The following OR14J1 variants were observed in gnomAD, a reference collection of about 807,000 sequenced individuals.
The protein encoded by OR14J1 is olfactory receptor family 14 subfamily J member 1.
For missense variants in OR14J1, 378 were observed against 393.4 expected, an observed-to-expected ratio of 0.96 and a Z score of 0.33; for synonymous variants, 140 against 146.7, an observed-to-expected ratio of 0.95 and a Z score of 0.33.
At chr6:29,305,553 T>G (rs1775020014) in intron 1 of OR14J1, among the ~76,000 whole-genome samples, 1 of 152,114 alleles carries the variant, frequency 6.6e-6, no homozygotes, top group Non-Finnish European at 1.5e-5. Context: ...CTGATTGACC[T>G]TTCAACAAAT....
chr6:29,307,597 T>C lies in OR14J1; in HGVS notation c.908T>C (p.Leu303Pro), dbSNP rs1775206004. 1 of 1,610,184 alleles carries C rather than the reference T, an allele frequency of 6.2e-7. No individual in the cohort carries two copies. Among genetic ancestry groups the C allele is most frequent in the African/African-American group, 1.3e-5 (1 of 74,892 alleles). Residue 303 changes from leucine to proline, a missense_variant, in exon 2 of 2, where the codon CTG becomes CCG. Physicochemically the swap from Leu to Pro is moderately conservative, Grantham distance 98 (BLOSUM62 -3). Coordinates refer to ENST00000641895, the MANE Select transcript of OR14J1 (RefSeq NM_030946.2). ...ATGAAGGCAGCACTGAGGAAGATGC[T>C]GTCAAAGGAAGAGCTTCCTCAGAGA... ...DSMKAALRKM[L>P]SKEELPQRKM...
rs914810282 is a variant in OR14J1 at position 29,311,732 on chromosome 6, T to G, written c.*4077T>G. 1 of 152,206 alleles carries G rather than the reference T, an allele frequency of 6.6e-6. No homozygotes were observed. Among genetic ancestry groups the G allele is most frequent in the Non-Finnish European group, 1.5e-5 (1 of 68,050 alleles). 9.4% of individuals were successfully genotyped at this position (152,206 alleles called of 1,614,324 possible). On this transcript the variant is annotated 3_prime_UTR_variant, in exon 2 of 2. Coordinates refer to ENST00000641895, the MANE Select transcript of OR14J1 (RefSeq NM_030946.2). ...GCGGTAGAATTCGTCTGTGAATCTG[T>G]CTGGTTCTGGGCTTTTCTTGGTTGG... is the stretch of plus-strand genomic sequence containing the variant.
Position 29,307,131 on chromosome 6 carries a change from A to G in OR14J1, c.442A>G (p.Ile148Val). ...TAGGCATGCAGTGATAGCTGTGTGG[A>G]TTGCTGGGGGCCTCTCTGGGCTCAT... ...ACRHAVIAVW[I>V]AGGLSGLMHA... Residue 148 changes from isoleucine to valine, a missense_variant, in exon 2 of 2, where the codon ATT (isoleucine) becomes GTT (valine). Coordinates refer to ENST00000641895, the MANE Select transcript of OR14J1 (RefSeq NM_030946.2). 1 of 1,612,866 alleles carries G rather than the reference A, an allele frequency of 6.2e-7. No homozygotes were observed. The highest frequency in any genetic ancestry group is 8.5e-7 in the Non-Finnish European group (1 of 1,179,966).
rs544196755 is a variant in OR14J1, at chr6:29,302,376, G to A, written c.-29+589G>A. On this transcript the variant is annotated intron_variant, in intron 1 of 1. Coordinates refer to ENST00000641895, the MANE Select transcript of OR14J1 (RefSeq NM_030946.2). ...GTATTTTTAGTAGAGATGGGGTTTC[G>A]CCATTTTGGCCAGGCTGGTTTTGAA... Among the ~76,000 whole-genome samples, 88 of 151,524 alleles carry A rather than the reference G, an allele frequency of 5.8e-4. 1 individual carries two copies. The highest frequency in any genetic ancestry group is 1.0e-3 in the Non-Finnish European group (71 of 67,804).
At chr6:29,304,909 T>C (rs755939739) in intron 1 of OR14J1, among the ~76,000 whole-genome samples, 3 of 152,206 alleles carry the variant, frequency 2.0e-5, no homozygotes, top group Non-Finnish European at 4.4e-5. Context: ...GACAGTAAGT[T>C]TTAAAATATA....
chr6:29,309,068 C>T lies in OR14J1; in HGVS notation c.*1413C>T, dbSNP rs1296335777. The stretch of plus-strand genomic sequence containing the variant: ...GCCCCAGTGTGTGATGTTCCCCTAC[C>T]TGTGTCCATGTGTTCTCATTGTTCA... On this transcript the variant is annotated 3_prime_UTR_variant, in exon 2 of 2. Coordinates refer to ENST00000641895, the MANE Select transcript of OR14J1 (RefSeq NM_030946.2). 6.6e-6 allele frequency: 1 copy of T among 152,128 alleles called. No homozygotes were observed. The highest frequency in any genetic ancestry group is 1.5e-5 in the Non-Finnish European group (1 of 68,036). The allele number at this position is 152,128 out of a possible 1,614,324, so 9.4% of individuals were successfully genotyped here.
At chr6:29,303,465 G>A (rs768014896) in intron 1 of OR14J1, among the ~76,000 whole-genome samples, 3 of 152,072 alleles carry the variant, frequency 2.0e-5, no homozygotes, top group Admixed American at 6.6e-5. Flanking sequence ...TGAATTTACC[G>A]TTGTGATAGT....
At position 29,307,879 on chromosome 6, in the gene OR14J1, G is replaced by C. The variant is rs1045629012; in HGVS notation, c.*224G>C. On this transcript the variant is annotated 3_prime_UTR_variant, in exon 2 of 2. Transcript: ENST00000641895. Reference sequence around the variant, plus strand: ...CTTTGGAAAATTTTTCTGAAATGAAGGAGAAAGACAATTAGTTTGGAGTCT... The same window carrying C: ...CTTTGGAAAATTTTTCTGAAATGAACGAGAAAGACAATTAGTTTGGAGTCT... 1 of 441,354 alleles carries C rather than the reference G, an allele frequency of 2.3e-6. No individual in the cohort carries two copies. Among genetic ancestry groups the C allele is most frequent in the Non-Finnish European group, 4.0e-6 (1 of 251,294 alleles). The allele number at this position is 441,354 out of a possible 1,614,324, so 27.3% of individuals were successfully genotyped here. A position where few individuals can be genotyped will look rare whatever the true frequency, so the allele number is the denominator to read the frequency against.
chr6:29,312,087 T>C lies in OR14J1; in HGVS notation c.*4432T>C, dbSNP rs555924427. 6.6e-6 allele frequency: 1 copy of C among 152,164 alleles called. No individual in the cohort carries two copies. Among genetic ancestry groups the C allele is most frequent in the African/African-American group, 2.4e-5 (1 of 41,432 alleles). The allele number at this position is 152,164 out of a possible 1,614,324, so 9.4% of individuals were successfully genotyped here. A position where few individuals can be genotyped will look rare whatever the true frequency, so the allele number is the denominator to read the frequency against. ...GGATTCATTGATTTTTTGAATTTTT[T>C]TGTGTGTGTCTCTATCTCCTTCATT... On this transcript the variant is annotated 3_prime_UTR_variant, in exon 2 of 2. Coordinates refer to ENST00000641895, the MANE Select transcript of OR14J1 (RefSeq NM_030946.2).
Position 29,306,767 on chromosome 6 carries a change from A to G in OR14J1, c.78A>G (p.Ala26=), listed in dbSNP as rs925687914. ...SDERKLQILH[A]LVFLVTYLLA... ...AGCGTAAGCTTCAGATTTTACATGC[A>G]TTGGTATTTCTGGTGACATACCTGC... The change falls in exon 2 of 2, where the codon GCA becomes GCG. Residue 26 remains alanine (A), a synonymous_variant. Transcript: ENST00000641895. 8.1e-6 allele frequency: 13 copies of G among 1,612,928 alleles called. No individual in the cohort carries two copies. In the South Asian group the frequency reaches 8.8e-5, roughly 11 times the overall value.
rs766145245 is a variant in OR14J1, at chr6:29,307,703, A to G, written c.*48A>G. The G allele has an allele frequency of 8.9e-7, 1 of 1,121,672 alleles. No individual in the cohort carries two copies. The highest frequency in any genetic ancestry group is 1.5e-5 in the South Asian group (1 of 68,086). 69.5% of individuals were successfully genotyped at this position (1,121,672 alleles called of 1,614,324 possible). On this transcript the variant is annotated 3_prime_UTR_variant, in exon 2 of 2. Coordinates refer to ENST00000641895, the MANE Select transcript of OR14J1 (RefSeq NM_030946.2). ...TTGTTATTATGTTTCAGATTGGAAG[A>G]GAGGTGAATCTTATTTCTACCCAGA...
intron 1 of OR14J1, among the ~76,000 whole-genome samples, chr6:29,302,050 T>C (rs1001993622): frequency 5.9e-5 from 9 of 151,934 alleles, no homozygotes; most frequent in Non-Finnish European, 1.5e-5. Context: ...CTCCAAAGAG[T>C]GACAATTCTT....
rs990520801 is a variant in OR14J1 at position 29,310,981 on chromosome 6, A to G, written c.*3326A>G. On this transcript the variant is annotated 3_prime_UTR_variant, in exon 2 of 2. Coordinates refer to ENST00000641895, the MANE Select transcript of OR14J1 (RefSeq NM_030946.2). The stretch of plus-strand genomic sequence containing the variant: ...ATTTTGTATCCTGAGACTTTGCTGA[A>G]ATTGCTTATAAGCTTAAGGAGATTT... 2.0e-5 allele frequency: 3 copies of G among 152,114 alleles called. No individual in the cohort carries two copies. Among genetic ancestry groups the G allele is most frequent in the African/African-American group, 7.2e-5 (3 of 41,412 alleles). The allele number at this position is 152,114 out of a possible 1,614,324, so 9.4% of individuals were successfully genotyped here.
chr6:29,307,116 G>C lies in OR14J1; in HGVS notation c.427G>C (p.Val143Leu). ...IMDPRACRHAVIAVWIAGGLS... is the reference protein window; with the variant it reads ...IMDPRACRHALIAVWIAGGLS... Reference sequence around the variant, plus strand: ...GGATCCCCGTGCCTGTAGGCATGCAGTGATAGCTGTGTGGATTGCTGGGGG... The same window carrying C: ...GGATCCCCGTGCCTGTAGGCATGCACTGATAGCTGTGTGGATTGCTGGGGG... The change falls in exon 2 of 2, where the codon GTG (valine) becomes CTG (leucine). Residue 143 changes from valine (V) to leucine (L), a missense_variant. Coordinates refer to ENST00000641895, the MANE Select transcript of OR14J1 (RefSeq NM_030946.2). 1.2e-6 allele frequency: 2 copies of C among 1,613,064 alleles called. No individual in the cohort carries two copies. The highest frequency in any genetic ancestry group is 1.7e-6 in the Non-Finnish European group (2 of 1,180,026).
At position 29,311,165 on chromosome 6, in the gene OR14J1, G is replaced by A. The variant is rs573726299; in HGVS notation, c.*3510G>A. ...ACATTATGTTGAATAAGAGTGGTGA[G>A]AGAGGGCATCCTTGTCTTGTGACAG... On this transcript the variant is annotated 3_prime_UTR_variant, in exon 2 of 2. Coordinates refer to ENST00000641895, the MANE Select transcript of OR14J1 (RefSeq NM_030946.2). 1.3e-5 allele frequency: 2 copies of A among 152,302 alleles called. No individual in the cohort carries two copies. The highest frequency in any genetic ancestry group is 4.8e-5 in the African/African-American group (2 of 41,568). The allele number at this position is 152,302 out of a possible 1,614,324, so 9.4% of individuals were successfully genotyped here. A position where few individuals can be genotyped will look rare whatever the true frequency, so the allele number is the denominator to read the frequency against.
intron 1 of OR14J1, among the ~76,000 whole-genome samples, chr6:29,306,035 T>C (rs1775061042): frequency 6.6e-6 from 1 of 152,224 alleles, no homozygotes; most frequent in Admixed American, 6.5e-5. Flanking sequence ...TCTCCAAAGC[T>C]CAGGATTCAA....
In OR14J1 at chr6:29,307,166, C is replaced by T; in HGVS notation, c.477C>T (p.Ala159=). The change falls in exon 2 of 2, where the codon GCC becomes GCT. Residue 159 remains alanine (A), a synonymous_variant. Transcript: ENST00000641895. ...GCCTCTCTGGGCTCATGCATGCTGC[C>T]ATTAACTTCTCCATACCTCTCTGTG... The part of the protein sequence containing the change: ...AGGLSGLMHA[A]INFSIPLCGK... 1.2e-6 allele frequency: 2 copies of T among 1,612,972 alleles called. No individual in the cohort carries two copies. The highest frequency in any genetic ancestry group is 1.7e-6 in the Non-Finnish European group (2 of 1,180,012).
At position 29,310,133 on chromosome 6, in the gene OR14J1, A is replaced by T. The variant is rs1042341693; in HGVS notation, c.*2478A>T. 1 of 152,002 alleles carries T rather than the reference A, an allele frequency of 6.6e-6. No homozygotes were observed. The highest frequency in any genetic ancestry group is 6.6e-5 in the Admixed American group (1 of 15,262). 9.4% of individuals were successfully genotyped at this position (152,002 alleles called of 1,614,324 possible). A position where few individuals can be genotyped will look rare whatever the true frequency, so the allele number is the denominator to read the frequency against. ...TTAGTTTAATTTGATCCCATTTGTC[A>T]ATTTTGGCTTTTGTTGTCATTGCTT... On this transcript the variant is annotated 3_prime_UTR_variant, in exon 2 of 2. Transcript: ENST00000641895.
At chr6:29,301,914 A>G (rs910646561) in intron 1 of OR14J1, 127 bp downstream of exon 1, 4 of 152,196 alleles carry the variant, frequency 2.6e-5, no homozygotes, top group African/African-American at 9.6e-5. Flanking sequence ...CTCACTCCTT[A>G]ACTAAGAACA....
Sources: gnomAD v4.1 joint callset for allele counts (sites outside exome capture counted in the v4.1 genomes callset) on GRCh38, gnomAD v4.1.1 for gene constraint, MANE v1.5 for transcripts, NCBI Gene and HGNC (gene_info 2026-07-23, HGNC 2026-07-21) for gene names.